Variants in RSPO2 observed in about 807,000 individuals in gnomAD.
RSPO2 encodes the protein R-spondin 2, also known as R-spondin-2.
Under a neutral mutation model 30.9 loss-of-function variants are expected in RSPO2, and 14 were observed. That is an observed-to-expected ratio of 0.45 (90% CI 0.30 to 0.71). The LOEUF is 0.71. Ranked by LOEUF, RSPO2 falls within the 30% of genes least tolerant of loss-of-function variation. The probability of loss-of-function intolerance (pLI) is 0.08; values close to 1 mark genes in which losing one functional copy is unlikely to be tolerated. For missense variants in RSPO2, 264 were observed against 301.9 expected (o/e 0.87, Z 0.93); for synonymous variants, 107 against 96.4 (o/e 1.11, Z -0.64).
intron 2 of RSPO2, among the ~76,000 whole-genome samples, chr8:108,046,266 A>G (rs1452019): frequency 0.19 from 28,294 of 152,198 alleles, 3,156 homozygotes; most frequent in Non-Finnish European, 0.25. Context: ...AAAATGTGCT[A>G]TCATTTATCT....
At chr8:108,031,601 C>CA (rs1811424591) in intron 2 of RSPO2, among the ~76,000 whole-genome samples, 12 of 152,118 alleles carry the variant, frequency 7.9e-5, no homozygotes, top group Middle Eastern at 6.8e-3. Flanking sequence ...GGTAAAAGGC[C>CA]GTAACTTCAT....
At chr8:108,080,852 T>G (rs1221736251) in intron 2 of RSPO2, among the ~76,000 whole-genome samples, 1 of 152,204 alleles carries the variant, frequency 6.6e-6, no homozygotes, top group Middle Eastern at 3.2e-3. Flanking sequence ...AGCTTTGACT[T>G]ATAAAAAGAG....
At chr8:108,052,057 G>A (rs1423412970) in intron 2 of RSPO2, among the ~76,000 whole-genome samples, 1 of 152,124 alleles carries the variant, frequency 6.6e-6, no homozygotes, top group Non-Finnish European at 1.5e-5. Context: ...TCAGCTGGTG[G>A]AGTATCTCTA....
intron 2 of RSPO2, among the ~76,000 whole-genome samples, chr8:108,062,312 A>G (rs1812496287): frequency 6.6e-6 from 1 of 151,896 alleles, no homozygotes; most frequent in African/African-American, 2.4e-5. Flanking sequence ...AGAAGAAAAG[A>G]GAGAAGAATC....
chr8:107,932,379 C>T (rs1335744953), intron 5 of RSPO2, among the ~76,000 whole-genome samples: 1 of 151,876 alleles, frequency 6.6e-6, no homozygotes, highest in Non-Finnish European at 1.5e-5. Context: ...ATACCACCTT[C>T]TAAAATAGGG....
chr8:108,049,355 C>CA (rs1812007806), intron 2 of RSPO2, among the ~76,000 whole-genome samples: 2 of 151,480 alleles, frequency 1.3e-5, no homozygotes. Context: ...TTGGCTGGGA[C>CA]TTTTTTTTCT....
intron 2 of RSPO2, among the ~76,000 whole-genome samples, chr8:108,033,101 A>G (rs941153720): frequency 1.3e-5 from 2 of 149,266 alleles, no homozygotes; most frequent in South Asian, 4.2e-4. Flanking sequence ...GGGTCTCGCT[A>G]TGTTACCCAA....
intron 5 of RSPO2, among the ~76,000 whole-genome samples, chr8:107,954,644 C>T (rs973570081): frequency 1.3e-5 from 2 of 150,754 alleles, no homozygotes; most frequent in East Asian, 1.9e-4. Context: ...CGGAGTCCTG[C>T]TCTGTCACCA....
At chr8:107,901,961 A>G (rs1292000902) in intron 5 of RSPO2, among the ~76,000 whole-genome samples, 1 of 152,132 alleles carries the variant, frequency 6.6e-6, no homozygotes, top group Non-Finnish European at 1.5e-5. Context: ...GAATTTTTTA[A>G]ATGCTGTTTT....
chr8:107,951,863 C>T (rs1362931404), intron 5 of RSPO2, among the ~76,000 whole-genome samples: 1 of 152,076 alleles, frequency 6.6e-6, no homozygotes, highest in African/African-American at 2.4e-5. Flanking sequence ...ATATTTATGT[C>T]TATGTCCATG....
chr8:108,080,011 G>T (rs922170638), intron 2 of RSPO2, among the ~76,000 whole-genome samples: 6 of 152,150 alleles, frequency 3.9e-5, no homozygotes, highest in Non-Finnish European at 7.4e-5. Context: ...AAAGCCAATT[G>T]TTTGGTATGC....
intron 5 of RSPO2, among the ~76,000 whole-genome samples, chr8:107,904,151 C>G (rs1811563968): frequency 6.6e-6 from 1 of 151,940 alleles, no homozygotes; most frequent in Non-Finnish European, 1.5e-5. Flanking sequence ...TGCTTAATTT[C>G]TTTACCTCTG....
In RSPO2 at chr8:108,008,214, T is replaced by A. The variant is rs571431471; in HGVS notation, c.95-18970A>T. 6.6e-5 allele frequency among the ~76,000 whole-genome samples: 10 copies of A among 152,312 alleles called. 1 individual carries two copies. In the South Asian group the frequency reaches 1.9e-3, roughly 28 times the overall value. ...TTTTGTTTTATCTGCACCAATTTTT[T>A]CCCTCTAGAAAAATTTTAATGTGAA... is the stretch of plus-strand genomic sequence containing the variant. On this transcript the variant is annotated intron_variant, in intron 2 of 5. Coordinates refer to ENST00000276659, the MANE Select transcript of RSPO2 (RefSeq NM_178565.5).
intron 3 of RSPO2, among the ~76,000 whole-genome samples, chr8:107,985,102 G>T (rs2130513429): frequency 6.6e-6 from 1 of 152,222 alleles, no homozygotes; most frequent in Admixed American, 6.5e-5. Context: ...ACAAATATGT[G>T]TTCAGCTTCA....
intron 5 of RSPO2, among the ~76,000 whole-genome samples, chr8:107,929,161 T>C (rs368176029): frequency 6.6e-6 from 1 of 152,308 alleles, no homozygotes; most frequent in Admixed American, 6.5e-5. Flanking sequence ...AATGGCTGCT[T>C]TGGATGGGAT....
intron 2 of RSPO2, among the ~76,000 whole-genome samples, chr8:108,061,667 G>C (rs1812470040): frequency 6.6e-6 from 1 of 151,828 alleles, no homozygotes; most frequent in South Asian, 2.1e-4. Context: ...ATTGAACTCA[G>C]CTCTGCACCA....
chr8:107,923,496 G>C (rs1163859532), intron 5 of RSPO2, among the ~76,000 whole-genome samples: 1 of 152,096 alleles, frequency 6.6e-6, no homozygotes, highest in Non-Finnish European at 1.5e-5. Flanking sequence ...AATCATTGTG[G>C]AAAGCAGTGT....
intron 3 of RSPO2, among the ~76,000 whole-genome samples, chr8:107,979,882 C>T (rs2130497393): frequency 1.3e-5 from 2 of 152,260 alleles, no homozygotes; most frequent in East Asian, 3.9e-4. Context: ...CTCTGTGCCT[C>T]CTCTCTGGCT....
chr8:107,948,577 T>A (rs1292665828), intron 5 of RSPO2, among the ~76,000 whole-genome samples: 2 of 152,206 alleles, frequency 1.3e-5, no homozygotes, highest in Non-Finnish European at 2.9e-5. Context: ...GAAATAACTC[T>A]GCACCTAAAT....
Sources: gnomAD v4.1 joint callset for allele counts (sites outside exome capture counted in the v4.1 genomes callset) on GRCh38, gnomAD v4.1.1 for gene constraint, MANE v1.5 for transcripts, NCBI Gene and HGNC (gene_info 2026-07-23, HGNC 2026-07-21) for gene names.